Variants in ZNF37A observed in about 807,000 individuals in gnomAD.
The protein encoded by ZNF37A is zinc finger protein 37A.
Under a neutral mutation model 12.3 loss-of-function variants are expected in ZNF37A, and 10 were observed. The ratio of observed to expected loss-of-function variants is 0.82; its 90% confidence interval spans 0.50 to 1.38. ZNF37A has a LOEUF of 1.38. ZNF37A is among the 40% of genes most tolerant of loss of function. The pLI is 0.00. For synonymous variants in ZNF37A, 207 were observed against 223.0 expected (o/e 0.93, Z 0.64); for missense variants, 580 against 651.2 (o/e 0.89, Z 1.19).
In ZNF37A at chr10:38,119,465, G is replaced by A; in HGVS notation, c.*628G>A. 1.1e-6 allele frequency: 1 copy of A among 916,898 alleles called. No homozygotes were observed. Among genetic ancestry groups the A allele is most frequent in the Non-Finnish European group, 1.3e-6 (1 of 767,644 alleles). 56.8% of individuals were successfully genotyped at this position (916,898 alleles called of 1,614,324 possible). On this transcript the variant is annotated 3_prime_UTR_variant, in exon 8 of 8. Transcript: ENST00000685332. The stretch of plus-strand genomic sequence containing the variant: ...TTCTCAGTGAACATCAGATAGTAGA[G>A]AAAGTATTTTTAACTGTATCCAATG...
chr10:38,134,715 C>T (rs1168659694), intron 7 of ZNF37A, among the ~76,000 whole-genome samples: 1 of 152,162 alleles, frequency 6.6e-6, no homozygotes, highest in Non-Finnish European at 1.5e-5. Context: ...CTGGGAGGTG[C>T]CTCCCAGTTA....
chr10:38,146,262 T>C (rs2070252545), intron 7 of ZNF37A, among the ~76,000 whole-genome samples: 1 of 152,188 alleles, frequency 6.6e-6, no homozygotes, highest in Non-Finnish European at 1.5e-5. Flanking sequence ...TCCCTGAGAC[T>C]TAACAAGGGT....
chr10:38,128,081 A>T (rs954004968), downstream of ZNF37A, among the ~76,000 whole-genome samples: 2 of 152,184 alleles, frequency 1.3e-5, no homozygotes, highest in African/African-American at 4.8e-5. Context: ...TGTAAGATCT[A>T]TGTGGAGAAT....
chr10:38,144,942 G>C (rs1564389996), intron 7 of ZNF37A, among the ~76,000 whole-genome samples: 1 of 152,094 alleles, frequency 6.6e-6, no homozygotes, highest in Non-Finnish European at 1.5e-5. Context: ...GGTCAGTTAA[G>C]CTCTAAAACA....
chr10:38,117,901 A>G lies in ZNF37A; in HGVS notation c.750A>G (p.Thr250=), dbSNP rs184390316. 72 of 1,613,952 alleles carry G rather than the reference A, an allele frequency of 4.5e-5. No homozygotes were observed. In the East Asian group the frequency reaches 1.4e-3, roughly 32 times the overall value. Residue 250 remains threonine, a synonymous_variant, in exon 8 of 8, where the codon ACA becomes ACG. Coordinates refer to ENST00000685332, the MANE Select transcript of ZNF37A (RefSeq NM_001324250.3). ...NNIIEYNECG[T]FFSEKLVLHL... The stretch of plus-strand genomic sequence containing the variant: ...TTATTGAATATAATGAGTGTGGAAC[A>G]TTTTTCAGTGAAAAATTAGTCCTTC...
rs2069442784 is a variant in ZNF37A at position 38,118,229 on chromosome 10, T to G, written c.1078T>G (p.Cys360Gly). The change falls in exon 8 of 8, where the codon TGT becomes GGT. Residue 360 changes from cysteine to glycine, a missense_variant. By Grantham distance (159) the Cys-to-Gly change is radical. Coordinates refer to ENST00000685332, the MANE Select transcript of ZNF37A (RefSeq NM_001324250.3). The stretch of plus-strand genomic sequence containing the variant: ...GGAGAAACCATATGAATGTCATGAA[T>G]GTGGGAAAACCTTCTCATTTAAGTC... Reference protein sequence around the residue: ...TGEKPYECHECGKTFSFKSVL... With the variant: ...TGEKPYECHEGGKTFSFKSVL... The G allele has an allele frequency of 6.2e-7, 1 of 1,613,822 alleles. No individual in the cohort carries two copies. The highest frequency in any genetic ancestry group is 1.3e-5 in the African/African-American group (1 of 74,896).
Position 38,117,502 on chromosome 10 carries a change from T to C in ZNF37A, c.351T>C (p.Pro117=). 3 of 1,613,354 alleles carry C rather than the reference T, an allele frequency of 1.9e-6. No homozygotes were observed. Among genetic ancestry groups the C allele is most frequent in the Non-Finnish European group, 2.5e-6 (3 of 1,179,786 alleles). Residue 117 remains proline, a synonymous_variant, in exon 8 of 8, where the codon CCT becomes CCC. Transcript: ENST00000685332. ...AAATAATTCATTCTGAAGAGGAACC[T>C]TCTGAATATAATAAAAATGGGAACA... ...KHEIIHSEEE[P]SEYNKNGNSF...
intron 5 of ZNF37A, 70 bp downstream of exon 5, chr10:38,096,702 C>A: frequency 6.9e-7 from 1 of 1,454,444 alleles, no homozygotes; most frequent in Non-Finnish European, 9.6e-7. Flanking sequence ...TCTATACATT[C>A]ATATGAAAGT....
At chr10:38,131,551 A>G (rs532004945) in intron 7 of ZNF37A, among the ~76,000 whole-genome samples, 88 of 152,288 alleles carry the variant, frequency 5.8e-4, no homozygotes, top group African/African-American at 2.1e-3. Flanking sequence ...TTAGTACCAC[A>G]GTGTTTTAAT....
At chr10:38,101,823 C>CTTTTTTTTT (rs3041908) in intron 5 of ZNF37A, among the ~76,000 whole-genome samples, 1 of 133,166 alleles carries the variant, frequency 7.5e-6, no homozygotes, top group African/African-American at 2.8e-5. Context: ...TTTTATTTTT[C>CTTTTTTTTT]TTTTTTTTTT....
downstream of ZNF37A, among the ~76,000 whole-genome samples, chr10:38,129,303 C>CAAAAAAAAAAAAAA (rs2069977236): frequency 2.4e-5 from 1 of 40,926 alleles, no homozygotes; most frequent in Non-Finnish European, 5.4e-5. Flanking sequence ...AAGACTCTGT[C>CAAAAAAAAAAAAAA]TAAAAAAAAA....
rs2069579191 is a variant in ZNF37A at position 38,119,704 on chromosome 10, G to T, written c.*867G>T. On this transcript the variant is annotated 3_prime_UTR_variant, in exon 8 of 8. Transcript: ENST00000685332. Reference sequence around the variant, plus strand: ...AGCCAATGGCTATAAGTAGTTCAAAGGTTTATTGCTTAGCCATATGAAAAA... The same window carrying T: ...AGCCAATGGCTATAAGTAGTTCAAATGTTTATTGCTTAGCCATATGAAAAA... The T allele has an allele frequency of 1.3e-5, 2 of 152,288 alleles. No homozygotes were observed. Among genetic ancestry groups the T allele is most frequent in the South Asian group, 2.1e-4 (1 of 4,838 alleles). The allele number at this position is 152,288 out of a possible 1,614,324, so 9.4% of individuals were successfully genotyped here.
At chr10:38,129,348 A>G (rs376430793), downstream of ZNF37A, among the ~76,000 whole-genome samples, 1 of 141,214 alleles carries the variant, frequency 7.1e-6, no homozygotes, top group Non-Finnish European at 1.5e-5. Flanking sequence ...TTTAACTTTT[A>G]TTTTAGGTTC....
downstream of ZNF37A, among the ~76,000 whole-genome samples, chr10:38,130,337 G>C (rs997682544): frequency 1.3e-5 from 2 of 152,218 alleles, no homozygotes; most frequent in African/African-American, 4.8e-5. Flanking sequence ...CCTGTGTACA[G>C]TGATGTACAT....
Position 38,123,811 on chromosome 10 carries a change from T to C in ZNF37A, c.*4974T>C, listed in dbSNP as rs1275949756. ...AGATATCATCTCACCCCAGTTAAAA[T>C]GTCTTCTCTCCAAAAGACAGATAAT... On this transcript the variant is annotated 3_prime_UTR_variant, in exon 8 of 8. Transcript: ENST00000685332. 1 of 152,222 alleles carries C rather than the reference T, an allele frequency of 6.6e-6. No individual in the cohort carries two copies. The highest frequency in any genetic ancestry group is 1.9e-4 in the East Asian group (1 of 5,198). The allele number at this position is 152,222 out of a possible 1,614,324, so 9.4% of individuals were successfully genotyped here.
chr10:38,139,923 C>T (rs898885419), intron 7 of ZNF37A: 2 of 152,124 alleles, frequency 1.3e-5, no homozygotes, highest in Non-Finnish European at 2.9e-5. Context: ...AATTTCTCTC[C>T]TCTGGCACAT....
chr10:38,128,817 GA>G (rs2069966333), downstream of ZNF37A, among the ~76,000 whole-genome samples: 1 of 152,126 alleles, frequency 6.6e-6, no homozygotes, highest in African/African-American at 2.4e-5. Flanking sequence ...GCAGTGGCAT[GA>G]TCTTGGCTCA....
Position 38,122,705 on chromosome 10 carries a change from C to G in ZNF37A, c.*3868C>G, listed in dbSNP as rs2069778566. On this transcript the variant is annotated 3_prime_UTR_variant, in exon 8 of 8. Transcript: ENST00000685332. Reference sequence around the variant, plus strand: ...TTAATTAAAAAGTTAAATCTAAGACCTCAAACTATGAAACAGCTAAAAGAA... The same window carrying G: ...TTAATTAAAAAGTTAAATCTAAGACGTCAAACTATGAAACAGCTAAAAGAA... 6.6e-6 allele frequency: 1 copy of G among 152,114 alleles called. No individual in the cohort carries two copies. The highest frequency in any genetic ancestry group is 2.1e-4 in the South Asian group (1 of 4,814). The allele number at this position is 152,114 out of a possible 1,614,324, so 9.4% of individuals were successfully genotyped here.
intron 2 of ZNF37A, 101 bp downstream of exon 2, chr10:38,095,325 G>C (rs2067065334): frequency 6.6e-6 from 1 of 152,342 alleles, no homozygotes; most frequent in Non-Finnish European, 1.5e-5. Flanking sequence ...GCACGGGTGG[G>C]AGGAGCAGAG....
Sources: allele counts gnomAD v4.1 joint callset (sites outside exome capture counted in the v4.1 genomes callset), GRCh38; gene constraint gnomAD v4.1.1; transcripts MANE v1.5; gene names NCBI Gene and HGNC (gene_info 2026-07-23, HGNC 2026-07-21).